SLC25A21: variants seen among roughly 807,000 people sequenced by gnomAD.
SLC25A21 encodes the protein solute carrier family 25 member 21.
A neutral mutation model predicts 43.8 loss-of-function variants in SLC25A21; 47 were observed. The observed-to-expected ratio is 1.07, with a 90% CI of 0.85 to 1.37. The LOEUF (loss-of-function observed/expected upper bound fraction) is 1.37, where lower values mean the gene tolerates loss of function less well. Among genes scored for constraint, SLC25A21 ranks in the 40% most tolerant of loss-of-function variants. The pLI, the probability that SLC25A21 is intolerant of heterozygous loss-of-function variation, is 0.00. For synonymous variants in SLC25A21, 131 were observed against 121.3 expected, an observed-to-expected ratio of 1.08 and a Z score of -0.52; for missense variants, 352 against 350.2, an observed-to-expected ratio of 1.00 and a Z score of -0.04.
intron 1 of SLC25A21, among the ~76,000 whole-genome samples, chr14:36,898,680 C>G (rs544595911): frequency 6.6e-6 from 1 of 152,120 alleles, no homozygotes; most frequent in South Asian, 2.1e-4. Context: ...TGGCTCCATC[C>G]CCCAATCTCA....
chr14:37,037,484 A>G (rs1961352565), intron 1 of SLC25A21, among the ~76,000 whole-genome samples: 1 of 152,178 alleles, frequency 6.6e-6, no homozygotes, highest in African/African-American at 2.4e-5. Flanking sequence ...CATATGGAAG[A>G]AGCCATTACT....
intron 1 of SLC25A21, among the ~76,000 whole-genome samples, chr14:37,114,138 T>C (rs766534019): frequency 6.6e-6 from 1 of 152,214 alleles, no homozygotes; most frequent in Non-Finnish European, 1.5e-5. Flanking sequence ...TAATAAAACA[T>C]AGAGTTACAA....
At chr14:37,066,503 T>G (rs1014499897) in intron 1 of SLC25A21, among the ~76,000 whole-genome samples, 2 of 152,140 alleles carry the variant, frequency 1.3e-5, no homozygotes, top group African/African-American at 2.4e-5. Flanking sequence ...TACTAATACT[T>G]TTTAAGTGGT....
chr14:36,855,269 G>A (rs1889864106), intron 2 of SLC25A21, among the ~76,000 whole-genome samples: 1 of 151,876 alleles, frequency 6.6e-6, no homozygotes. Context: ...TGGGCCTGAG[G>A]AGCAATCAGC....
intron 1 of SLC25A21, among the ~76,000 whole-genome samples, chr14:36,904,455 T>G (rs184052681): frequency 6.6e-6 from 1 of 152,118 alleles, no homozygotes; most frequent in Admixed American, 6.6e-5. Flanking sequence ...TCTAGGAAAA[T>G]TGAAAATGTA....
At chr14:36,843,255 GA>G (rs1049059336) in intron 2 of SLC25A21, among the ~76,000 whole-genome samples, 2 of 152,180 alleles carry the variant, frequency 1.3e-5, no homozygotes, top group Non-Finnish European at 2.9e-5. Context: ...AGAGAGGGAA[GA>G]AACTGGATTG....
intron 1 of SLC25A21, among the ~76,000 whole-genome samples, chr14:36,885,510 T>C (rs1890888124): frequency 6.6e-6 from 1 of 152,208 alleles, no homozygotes; most frequent in Non-Finnish European, 1.5e-5. Flanking sequence ...TAAACTGGAA[T>C]TTTGATAGAG....
chr14:37,160,977 AG>A (rs1326387783), intron 1 of SLC25A21, among the ~76,000 whole-genome samples: 1 of 64,674 alleles, frequency 1.5e-5, no homozygotes, highest in East Asian at 6.5e-4. Context: ...AGAAAGAGGA[AG>A]GGGGTGGGGA....
At chr14:36,885,421 C>A (rs1154132) in intron 1 of SLC25A21, among the ~76,000 whole-genome samples, 1 of 151,996 alleles carries the variant, frequency 6.6e-6, no homozygotes, top group African/African-American at 2.4e-5. Context: ...CATGTTTGCT[C>A]GAGGTTTGCT....
intron 2 of SLC25A21, among the ~76,000 whole-genome samples, chr14:36,840,354 C>T (rs1889347400): frequency 6.6e-6 from 1 of 152,138 alleles, no homozygotes; most frequent in Non-Finnish European, 1.5e-5. Flanking sequence ...ATTTCAACCA[C>T]AAATATATTT....
chr14:37,021,932 C>T (rs1960995359), intron 1 of SLC25A21, among the ~76,000 whole-genome samples: 1 of 151,804 alleles, frequency 6.6e-6, no homozygotes, highest in South Asian at 2.1e-4. Flanking sequence ...TGTACTAATG[C>T]CTCCTTGGAG....
intron 1 of SLC25A21, among the ~76,000 whole-genome samples, chr14:36,880,776 C>A (rs1157635300): frequency 1.3e-5 from 2 of 152,108 alleles, no homozygotes; most frequent in African/African-American, 4.8e-5. Context: ...ACAGTAAGGA[C>A]CTGAATACAG....
chr14:37,106,102 T>C (rs1346059101), intron 1 of SLC25A21, among the ~76,000 whole-genome samples: 1 of 152,168 alleles, frequency 6.6e-6, no homozygotes. Context: ...ACTGTGATAA[T>C]TGTGTTAACT....
chr14:36,693,085 T>C (rs1477387988), intron 7 of SLC25A21, among the ~76,000 whole-genome samples: 1 of 152,132 alleles, frequency 6.6e-6, no homozygotes, highest in African/African-American at 2.4e-5. Flanking sequence ...AAGCTGGAGG[T>C]GGTACCTACG....
At chr14:36,893,026 T>C (rs1891124319) in intron 1 of SLC25A21, among the ~76,000 whole-genome samples, 1 of 152,228 alleles carries the variant, frequency 6.6e-6, no homozygotes, top group Non-Finnish European at 1.5e-5. Context: ...CATGTGTCTT[T>C]AGCGCAGCAT....
intron 6 of SLC25A21, among the ~76,000 whole-genome samples, chr14:36,712,374 G>A (rs917481731): frequency 4.4e-4 from 67 of 151,612 alleles, no homozygotes; most frequent in African/African-American, 1.6e-3. Flanking sequence ...CACCCATGAG[G>A]CACACACTGA....
intron 7 of SLC25A21, among the ~76,000 whole-genome samples, chr14:36,688,820 C>G (rs768345794): frequency 1.4e-4 from 21 of 152,172 alleles, no homozygotes; most frequent in East Asian, 5.8e-4. Context: ...TTTTGAGGTA[C>G]GAACTATTAT....
chr14:36,958,580 G>A (rs1959400593), intron 1 of SLC25A21, among the ~76,000 whole-genome samples: 2 of 152,052 alleles, frequency 1.3e-5, no homozygotes, highest in Admixed American at 6.6e-5. Context: ...CTTGTCCCCA[G>A]GTGTTGAGGC....
intron 1 of SLC25A21, among the ~76,000 whole-genome samples, chr14:37,149,611 C>A (rs1041602654): frequency 6.6e-6 from 1 of 152,116 alleles, no homozygotes; most frequent in Non-Finnish European, 1.5e-5. Flanking sequence ...AGCAGAATCG[C>A]TTAAACCGGG....
Sources: allele counts gnomAD v4.1 joint callset (sites outside exome capture counted in the v4.1 genomes callset), GRCh38; gene constraint gnomAD v4.1.1; transcripts MANE v1.5; gene names NCBI Gene and HGNC (gene_info 2026-07-23, HGNC 2026-07-21).